The following ANKRD28 variants were observed in gnomAD, a reference collection of about 807,000 sequenced individuals.
The protein encoded by ANKRD28 is ankyrin repeat domain 28, also known as serine/threonine-protein phosphatase 6 regulatory ankyrin repeat subunit A.
ANKRD28 carries 44 observed loss-of-function variants against 126.5 expected under a neutral mutation model. The observed-to-expected ratio is 0.35, with a 90% confidence interval of 0.27 to 0.45. The LOEUF (loss-of-function observed/expected upper bound fraction) is 0.45. Among genes scored for constraint, ANKRD28 ranks in the 20% least tolerant of loss-of-function variants. The pLI is 1.00. For missense variants in ANKRD28, 1,110 were observed against 1,316.6 expected (o/e 0.84, Z 2.43); for synonymous variants, 442 against 468.5 (o/e 0.94, Z 0.73).
intron 1 of ANKRD28, among the ~76,000 whole-genome samples, chr3:15,835,113 A>T (rs939089319): frequency 6.6e-6 from 1 of 152,204 alleles, no homozygotes; most frequent in Non-Finnish European, 1.5e-5. Flanking sequence ...GCACCACTGC[A>T]CTCCAGCCTG....
At chr3:15,767,813 G>A (rs113030990) in intron 2 of ANKRD28, among the ~76,000 whole-genome samples, 5,678 of 148,572 alleles carry the variant, frequency 0.038, 163 homozygotes, top group Non-Finnish European at 0.053. Flanking sequence ...GCATGAACCC[G>A]GGAGGCAGAG....
Position 15,845,877 on chromosome 3 carries a change from G to A in ANKRD28, c.27+13500C>T, listed in dbSNP as rs529382737. Among the ~76,000 whole-genome samples, 6 of 152,170 alleles carry A rather than the reference G, an allele frequency of 3.9e-5. No individual in the cohort carries two copies. The highest frequency in any genetic ancestry group is 3.4e-3 in the Middle Eastern group (1 of 294). ...CACACACTTTAAACCATTGCATCTCGTGAAAACTCGCTCACTATCAAGAGA... is the reference window on the plus strand; with the variant it reads ...CACACACTTTAAACCATTGCATCTCATGAAAACTCGCTCACTATCAAGAGA... On this transcript the variant is annotated intron_variant, in intron 1 of 27. Coordinates refer to the ANKRD28 transcript ENST00000399451. This position sits in a 1 kb window ranked among gnomAD's most constrained non-coding sequence, Gnocchi z 4.9.
chr3:15,807,436 T>A (rs1400124832), intron 1 of ANKRD28, among the ~76,000 whole-genome samples: 1 of 152,210 alleles, frequency 6.6e-6, no homozygotes, highest in Admixed American at 6.5e-5. Context: ...AAGGAAATCA[T>A]TTTATAAATG....
chr3:15,763,047 A>AT (rs1257270801), intron 3 of ANKRD28, among the ~76,000 whole-genome samples: 8 of 152,004 alleles, frequency 5.3e-5, no homozygotes, highest in South Asian at 2.1e-4. Context: ...TTATTTCTTT[A>AT]TTTTTTTTGT....
At chr3:15,769,387 A>C (rs1281924286) in intron 2 of ANKRD28, among the ~76,000 whole-genome samples, 12 of 152,216 alleles carry the variant, frequency 7.9e-5, no homozygotes. Context: ...CTTTCACCAA[A>C]ATGTATTAAA....
intron 3 of ANKRD28, among the ~76,000 whole-genome samples, chr3:15,757,501 A>G (rs1056094796): frequency 5.3e-5 from 8 of 152,208 alleles, no homozygotes; most frequent in African/African-American, 1.7e-4. Context: ...CCCAAAATTT[A>G]TGTTAAAATC....
intron 2 of ANKRD28, among the ~76,000 whole-genome samples, chr3:15,766,707 C>T (rs937616192): frequency 6.6e-6 from 1 of 152,000 alleles, no homozygotes; most frequent in African/African-American, 2.4e-5. Context: ...AACAAAAACA[C>T]AGGGTATTTC....
rs1167018762 is a variant in ANKRD28, at chr3:15,846,490, G to A, written c.27+12887C>T. On this transcript the variant is annotated intron_variant, in intron 1 of 27. Transcript: ENST00000399451. The surrounding 1 kb of genome is among the most constrained non-coding windows in gnomAD (Gnocchi z 5.4). ...GCTTTCACAAACACAATATATACAGGGTCTGGAAGTCAACAGCTGAAAGCT... is the reference window on the plus strand; with the variant it reads ...GCTTTCACAAACACAATATATACAGAGTCTGGAAGTCAACAGCTGAAAGCT... Among the ~76,000 whole-genome samples, 2 of 152,112 alleles carry A rather than the reference G, an allele frequency of 1.3e-5. No homozygotes were observed. Among genetic ancestry groups the A allele is most frequent in the Non-Finnish European group, 2.9e-5 (2 of 68,030 alleles).
At chr3:15,808,876 C>G in intron 1 of ANKRD28, among the ~76,000 whole-genome samples, 1 of 152,198 alleles carries the variant, frequency 6.6e-6, no homozygotes, top group East Asian at 1.9e-4. Flanking sequence ...TTATTCTCAA[C>G]TACTCTACAA....
chr3:15,777,896 A>ACACACACC (rs1559515223), intron 2 of ANKRD28, among the ~76,000 whole-genome samples: 1 of 137,074 alleles, frequency 7.3e-6, no homozygotes, highest in Non-Finnish European at 1.5e-5. Flanking sequence ...ACACACACAC[A>ACACACACC]CACACACCCT....
At chr3:15,778,059 ATAAG>A (rs1559515625) in intron 2 of ANKRD28, among the ~76,000 whole-genome samples, 1 of 152,206 alleles carries the variant, frequency 6.6e-6, no homozygotes, top group Non-Finnish European at 1.5e-5. Context: ...CGTATCATAC[ATAAG>A]TATCTTTTTT....
intron 6 of ANKRD28, among the ~76,000 whole-genome samples, chr3:15,725,294 G>A (rs2074070087): frequency 6.6e-6 from 1 of 152,176 alleles, no homozygotes; most frequent in South Asian, 2.1e-4. Flanking sequence ...ATCCAAAGGA[G>A]TCTGAAACTA....
At chr3:15,723,503 G>A (rs9843916) in intron 7 of ANKRD28, among the ~76,000 whole-genome samples, 3,725 of 152,178 alleles carry the variant, frequency 0.024, 166 homozygotes, top group African/African-American at 0.082. Context: ...GAATAAATAC[G>A]CTGAGTGGGC....
At chr3:15,706,643 T>G (rs1187968654) in intron 14 of ANKRD28, among the ~76,000 whole-genome samples, 1 of 152,166 alleles carries the variant, frequency 6.6e-6, no homozygotes, top group Non-Finnish European at 1.5e-5. Flanking sequence ...TTTCTAGTTC[T>G]AGATCCTTGA....
intron 7 of ANKRD28, 143 bp downstream of exon 7, chr3:15,724,239 T>G: frequency 1.5e-6 from 1 of 684,650 alleles, no homozygotes; most frequent in East Asian, 2.8e-5. Flanking sequence ...GCACTAGATA[T>G]TATGTAAAGG....
chr3:15,767,975 G>C (rs1010646421), intron 2 of ANKRD28, among the ~76,000 whole-genome samples: 5 of 152,054 alleles, frequency 3.3e-5, no homozygotes, highest in Non-Finnish European at 1.5e-5. Flanking sequence ...CAGGCTGGAA[G>C]GCACATGTGA....
At chr3:15,797,992 G>A (rs891835980), upstream of ANKRD28, 34 of 985,166 alleles carry the variant, frequency 3.5e-5, no homozygotes, top group Admixed American at 1.2e-4. Context: ...GCTACTTCTC[G>A]GGATGTAACT....
chr3:15,773,968 G>A (rs1245640805), intron 2 of ANKRD28, among the ~76,000 whole-genome samples: 4 of 152,092 alleles, frequency 2.6e-5, no homozygotes, highest in Non-Finnish European at 5.9e-5. Flanking sequence ...TGAGAAAAAA[G>A]GCAGACATGA....
At chr3:15,823,398 T>C (rs926883477) in intron 1 of ANKRD28, among the ~76,000 whole-genome samples, 5 of 152,032 alleles carry the variant, frequency 3.3e-5, no homozygotes, top group Non-Finnish European at 2.9e-5. Context: ...AATAAAGAGA[T>C]TGAATAAAGA....
Sources: allele counts gnomAD v4.1 joint callset (sites outside exome capture counted in the v4.1 genomes callset), GRCh38; gene constraint gnomAD v4.1.1; non-coding constraint Gnocchi (gnomAD v3.1); transcripts MANE v1.5; gene names NCBI Gene and HGNC (gene_info 2026-07-23, HGNC 2026-07-21).